The following CDK10 variants were observed in gnomAD, a reference collection of about 807,000 sequenced individuals.
CDK10 encodes cyclin-dependent kinase 10.
A neutral mutation model predicts 51.0 loss-of-function variants in CDK10; 55 were observed. The observed-to-expected ratio is 1.08, with a 90% confidence interval of 0.87 to 1.35. The LOEUF is 1.35. CDK10 is among the 40% of genes most tolerant of loss of function. The pLI, the probability that CDK10 is intolerant of heterozygous loss-of-function variation, is 0.00. For synonymous variants in CDK10, 255 were observed against 199.1 expected (o/e 1.28, Z -2.36); for missense variants, 589 against 485.1 (o/e 1.21, Z -2.01).
intron 1 of CDK10, 67 bp downstream of exon 1, chr16:89,686,864 G>C (rs184368633): frequency 2.2e-6 from 3 of 1,380,834 alleles, no homozygotes; most frequent in East Asian, 5.1e-5. Flanking sequence ...TGGGTCTGGG[G>C]AGCCTCGTGT....
chr16:89,692,205 C>T, intron 5 of CDK10: 1 of 530,900 alleles, frequency 1.9e-6, no homozygotes, highest in Non-Finnish European at 3.3e-6. Context: ...GGGCGGAGAG[C>T]CTTCTGAGGG....
rs200556489 is a variant in CDK10 at position 89,693,324 on chromosome 16, C to G, written c.536C>G (p.Thr179Arg). Residue 179 changes from threonine (T) to arginine (R), a missense_variant and splice_region_variant, in exon 7 of 13, where the codon ACA becomes AGA. Coordinates refer to ENST00000353379, the MANE Select transcript of CDK10 (RefSeq NM_052988.5). The part of the protein sequence containing the change: ...LLMTDKGCVK[T>R]ADFGLARAYG... ...ATGACCGACAAGGGTTGTGTGAAGA[C>G]AGGTGGGTGCAACTTGGGCCAGGCC... is the stretch of plus-strand genomic sequence containing the variant. 26 of 1,613,958 alleles carry G rather than the reference C, an allele frequency of 1.6e-5. No homozygotes were observed. The highest frequency in any genetic ancestry group is 2.0e-5 in the Non-Finnish European group (24 of 1,180,018).
chr16:89,691,964 C>T (rs1169880425), intron 5 of CDK10, 77 bp downstream of exon 5: 1 of 1,215,122 alleles, frequency 8.2e-7, no homozygotes, highest in Non-Finnish European at 1.2e-6. Flanking sequence ...CGAAACAGGG[C>T]ACTTGGGGAC....
chr16:89,687,585 A>G, intron 1 of CDK10: 1 of 450,260 alleles, frequency 2.2e-6, no homozygotes, highest in Non-Finnish European at 4.5e-6. Context: ...TTTTTTTGAG[A>G]CAGGGTCTAG....
intron 8 of CDK10, 77 bp from the exon 9 acceptor site, chr16:89,694,095 CG>C: frequency 6.9e-7 from 1 of 1,442,828 alleles, no homozygotes; most frequent in South Asian, 1.1e-5. Context: ...CACAGGCTCT[CG>C]GGGAGGCTGT....
chr16:89,690,733 G>C, intron 3 of CDK10, 109 bp downstream of exon 3: 1 of 945,734 alleles, frequency 1.1e-6, no homozygotes. Context: ...GCGGGGGCCG[G>C]CCTCTGGGAG....
At position 89,691,865 on chromosome 16, in the gene CDK10, CA is replaced by C; in HGVS notation, c.397del (p.Thr133HisfsTer32). On this transcript the variant is annotated frameshift_variant, in exon 5 of 13. Transcript: ENST00000353379. LOFTEE classifies it high-confidence loss of function. ...CTGGCCAGCCTCCTGGAGAATATGCCAACACCCTTCTCGGAGGCTCAGGTGC... is the reference window on the plus strand; with the variant it reads ...CTGGCCAGCCTCCTGGAGAATATGCCACACCCTTCTCGGAGGCTCAGGTGC... Reference protein sequence around the residue: ...QDLASLLENMPTPFSEAQVKC... With the variant: ...QDLASLLENMXTPFSEAQVKC... 1 of 1,613,990 alleles carries C rather than the reference CA, an allele frequency of 6.2e-7. No homozygotes were observed. Among genetic ancestry groups the C allele is most frequent in the Non-Finnish European group, 8.5e-7 (1 of 1,179,946 alleles).
At chr16:89,687,034 C>T in intron 1 of CDK10, 1 of 424,244 alleles carries the variant, frequency 2.4e-6, no homozygotes. Flanking sequence ...CTCGCGCCCG[C>T]GGAGAGACGG....
chr16:89,695,164 T>TC, intron 11 of CDK10, 94 bp downstream of exon 11: 2 of 1,543,782 alleles, frequency 1.3e-6, no homozygotes, highest in East Asian at 2.3e-5. Context: ...GAGAGGCCCC[T>TC]CCCCAGGCAC....
intron 5 of CDK10, 94 bp downstream of exon 5, chr16:89,691,981 AGCT>A: frequency 1.0e-6 from 1 of 992,208 alleles, no homozygotes; most frequent in Non-Finnish European, 1.5e-6. Flanking sequence ...GGACTTGAAG[AGCT>A]GCTGCTGCCT....
rs914195372 is a variant in CDK10, at chr16:89,695,269, A to G, written c.933-24A>G. ...TGAGGAAGCCGCACTCACAAGTCGC[A>G]CTAACGCAGGCTGCCTCCTCCAGGG... On this transcript the variant is annotated intron_variant, in intron 11 of 12. Transcript: ENST00000353379. The G allele has an allele frequency of 8.7e-6, 14 of 1,602,664 alleles. No homozygotes were observed. The African/African-American group carries it at 1.7e-4, about 20-fold the overall frequency.
intron 2 of CDK10, chr16:89,690,315 G>C: frequency 1.9e-6 from 1 of 531,860 alleles, no homozygotes; most frequent in East Asian, 3.1e-5. Context: ...CTGGAGGCCA[G>C]GGTCCAGCAC....
chr16:89,690,361 G>A (rs1259089260), intron 2 of CDK10, 192 bp from the exon 3 acceptor site: 1 of 604,568 alleles, frequency 1.7e-6, no homozygotes, highest in East Asian at 2.8e-5. Flanking sequence ...CAGTTCAAAT[G>A]AGGAAACCCT....
chr16:89,695,559 C>G (rs767838622), intron 12 of CDK10, 36 bp from the exon 13 acceptor site: 30 of 1,576,566 alleles, frequency 1.9e-5, no homozygotes, highest in Non-Finnish European at 2.5e-5. Flanking sequence ...TATCTGGGGC[C>G]CTGCCCCGCC....
chr16:89,694,523 C>A (rs1406398397), intron 9 of CDK10, 142 bp from the exon 10 acceptor site: 1 of 1,439,564 alleles, frequency 6.9e-7, no homozygotes, highest in Non-Finnish European at 9.4e-7. Context: ...GTGGTCCCTG[C>A]CTGTCCTTCA....
intron 8 of CDK10, chr16:89,693,787 GCTTT>G: frequency 1.8e-6 from 1 of 545,774 alleles, no homozygotes; most frequent in Non-Finnish European, 3.3e-6. Context: ...CAGCTTGCAT[GCTTT>G]CCCTGGTTCT....
Position 89,686,697 on chromosome 16 carries a change from G to T in CDK10, c.-14G>T, listed in dbSNP as rs769696768. On this transcript the variant is annotated 5_prime_UTR_variant, in exon 1 of 13. Coordinates refer to ENST00000353379, the MANE Select transcript of CDK10 (RefSeq NM_052988.5). ...CTGCGCCTGCGCGCAAGAGAGGCGG[G>T]GCCAGCGCTCGGCATGGCGGAGCCA... The T allele has an allele frequency of 1.3e-6, 2 of 1,576,842 alleles. No individual in the cohort carries two copies. The highest frequency in any genetic ancestry group is 1.2e-5 in the South Asian group (1 of 86,218).
At chr16:89,686,897 C>T in intron 1 of CDK10, 100 bp downstream of exon 1, 4 of 1,023,948 alleles carry the variant, frequency 3.9e-6, no homozygotes, top group South Asian at 1.5e-5. Flanking sequence ...CCGAGGCTTC[C>T]GGCACGGGCG....
In CDK10 at chr16:89,696,166, G is replaced by A. The variant is rs2060711150; in HGVS notation, c.*474G>A. ...CCCAGGTGGGCCTGGCAGGACTCCA[G>A]ATGAGGACAAGAGGGACAAGGTATG... On this transcript the variant is annotated 3_prime_UTR_variant, in exon 13 of 13. Coordinates refer to ENST00000353379, the MANE Select transcript of CDK10 (RefSeq NM_052988.5). 1.0e-5 allele frequency: 4 copies of A among 382,148 alleles called. No homozygotes were observed. Among genetic ancestry groups the A allele is most frequent in the Non-Finnish European group, 2.0e-5 (4 of 201,262 alleles). 23.7% of individuals were successfully genotyped at this position (382,148 alleles called of 1,614,324 possible). A position where few individuals can be genotyped will look rare whatever the true frequency, so the allele number is the denominator to read the frequency against.
Sources: gnomAD v4.1 joint callset for allele counts on GRCh38, gnomAD v4.1.1 for gene constraint, MANE v1.5 for transcripts, NCBI Gene and HGNC (gene_info 2026-07-23, HGNC 2026-07-21) for gene names.